SALL3: variants seen among roughly 807,000 people sequenced by gnomAD.
SALL3 encodes spalt like transcription factor 3, also known as sal-like protein 3.
A neutral mutation model predicts 66.2 loss-of-function variants in SALL3; 25 were observed. The ratio of observed to expected loss-of-function variants is 0.38; its 90% CI spans 0.28 to 0.53. The LOEUF is 0.53. Ranked by LOEUF, SALL3 falls within the 20% of genes least tolerant of loss-of-function variation. The probability of loss-of-function intolerance (pLI) is 0.85; values close to 1 mark genes in which losing one functional copy is unlikely to be tolerated. For missense variants in SALL3, 2,194 were observed against 1,916.5 expected, an observed-to-expected ratio of 1.14 and a Z score of -2.70; for synonymous variants, 1,152 against 899.1, an observed-to-expected ratio of 1.28 and a Z score of -5.03.
At position 78,992,442 on chromosome 18, in the gene SALL3, G is replaced by A; in HGVS notation, c.451G>A (p.Ala151Thr). Residue 151 changes from alanine (A) to threonine (T), a missense_variant, in exon 2 of 3, where the codon GCC (alanine) becomes ACC (threonine). Ala to Thr is a moderately conservative substitution (Grantham distance 58). Transcript: ENST00000537592. ...DTRAPRPPPA[A>T]PAPPTPAYGA... Reference sequence around the variant, plus strand: ...GCGCGCGCCCCGGCCCCCGCCTGCGGCCCCTGCACCCCCAACGCCCGCCTA... The same window carrying A: ...GCGCGCGCCCCGGCCCCCGCCTGCGACCCCTGCACCCCCAACGCCCGCCTA... The A allele has an allele frequency of 7.2e-7, 1 of 1,392,126 alleles. No homozygotes were observed. The highest frequency in any genetic ancestry group is 9.3e-7 in the Non-Finnish European group (1 of 1,080,892). 86.2% of individuals were successfully genotyped at this position (1,392,126 alleles called of 1,614,324 possible). A position where few individuals can be genotyped will look rare whatever the true frequency, so the allele number is the denominator to read the frequency against.
chr18:78,983,449 G>A (rs1305745231), intron 1 of SALL3, among the ~76,000 whole-genome samples: 2 of 152,140 alleles, frequency 1.3e-5, no homozygotes, highest in Admixed American at 1.3e-4. Context: ...AGGAACAAAA[G>A]GGTATTATAA....
Position 78,996,887 on chromosome 18 carries a change from G to A in SALL3, c.3472-4G>A, listed in dbSNP as rs750252023. The A allele has an allele frequency of 8.7e-6, 14 of 1,601,328 alleles. No individual in the cohort carries two copies. The highest frequency in any genetic ancestry group is 5.4e-5 in the African/African-American group (4 of 74,624). ...CTCGTGGGCTGTCTCCGTGTCTCGC[G>A]CAGGTGCACATGGGGACACACATGT... On this transcript the variant is annotated splice_region_variant and splice_polypyrimidine_tract_variant and intron_variant, in intron 2 of 2. Coordinates refer to ENST00000537592, the MANE Select transcript of SALL3 (RefSeq NM_171999.4).
Position 78,980,017 on chromosome 18 carries a change from C to T in SALL3, c.-258C>T, listed in dbSNP as rs1010678172. Among the ~76,000 whole-genome samples, 11 of 145,586 alleles carry T rather than the reference C, an allele frequency of 7.6e-5. 1 individual carries two copies. The East Asian group carries it at 2.2e-3, about 29-fold the overall frequency. On this transcript the variant is annotated 5_prime_UTR_variant, in exon 1 of 3. Transcript: ENST00000537592. ...CGAGGCGCCGCGGCCCCCTCCTCGT[C>T]GGCGCGGCCGCTAATTGCGAGCGCG... is the stretch of plus-strand genomic sequence containing the variant.
At position 78,994,480 on chromosome 18, in the gene SALL3, C is replaced by G; in HGVS notation, c.2489C>G (p.Pro830Arg). ...KPLLSYAGSC[P>R]PSPPSVISSI... is the part of the protein sequence containing the mutation. ...CTCCTGTCCTACGCGGGGTCCTGCC[C>G]GCCCTCCCCGCCCTCGGTCATCTCC... The change falls in exon 2 of 3, where the codon CCG (proline) becomes CGG (arginine). Residue 830 changes from proline to arginine, a missense_variant. Transcript: ENST00000537592. 1 of 1,601,782 alleles carries G rather than the reference C, an allele frequency of 6.2e-7. No homozygotes were observed. The highest frequency in any genetic ancestry group is 8.5e-7 in the Non-Finnish European group (1 of 1,170,968).
At chr18:78,991,850 TAAG>T (rs1460039556) in intron 1 of SALL3, 10 of 420,720 alleles carry the variant, frequency 2.4e-5, no homozygotes, top group South Asian at 8.6e-5. Flanking sequence ...GGAATTTCAT[TAAG>T]AAGCAGGATC....
chr18:78,981,952 C>T lies in SALL3; in HGVS notation c.82+1596C>T, dbSNP rs546403211. 2.3e-4 allele frequency among the ~76,000 whole-genome samples: 35 copies of T among 152,280 alleles called. No individual in the cohort carries two copies. In the South Asian group the frequency reaches 5.0e-3, roughly 22 times the overall value. On this transcript the variant is annotated intron_variant, in intron 1 of 2. Coordinates refer to ENST00000537592, the MANE Select transcript of SALL3 (RefSeq NM_171999.4). The stretch of plus-strand genomic sequence containing the variant: ...ATTTTAAAGCTTTATTATTGTGGCT[C>T]CTGAATGGCTTAAAATCGGCTTTCA...
chr18:78,994,108 C>T lies in SALL3; in HGVS notation c.2117C>T (p.Pro706Leu), dbSNP rs1599181223. Residue 706 changes from proline (P) to leucine (L), a missense_variant, in exon 2 of 3, where the codon CCG becomes CTG. Pro to Leu is a moderately conservative substitution (Grantham distance 98). Coordinates refer to ENST00000537592, the MANE Select transcript of SALL3 (RefSeq NM_171999.4). The part of the protein sequence containing the change: ...MHYRTHTGER[P>L]FKCKICGRAF... The stretch of plus-strand genomic sequence containing the variant: ...TACCGGACGCACACGGGGGAGCGGC[C>T]GTTCAAGTGCAAGATCTGCGGCCGC... 6.2e-7 allele frequency: 1 copy of T among 1,612,948 alleles called. No individual in the cohort carries two copies. Among genetic ancestry groups the T allele is most frequent in the South Asian group, 1.1e-5 (1 of 91,070 alleles).
chr18:78,988,443 C>T (rs1914316875), intron 1 of SALL3, among the ~76,000 whole-genome samples: 1 of 152,228 alleles, frequency 6.6e-6, no homozygotes, highest in Admixed American at 6.5e-5. Context: ...GAAGCCAGCA[C>T]TCCTCAGTCT....
At chr18:78,980,399 C>A in intron 1 of SALL3, 43 bp downstream of exon 1, 1 of 1,244,310 alleles carries the variant, frequency 8.0e-7, no homozygotes, top group Non-Finnish European at 1.0e-6. Context: ...TCTGGGGCTG[C>A]CCGTCCGGGC....
chr18:78,993,822 G>T lies in SALL3; in HGVS notation c.1831G>T (p.Ala611Ser). Residue 611 changes from alanine (A) to serine (S), a missense_variant, in exon 2 of 3, where the codon GCT becomes TCT. Coordinates refer to ENST00000537592, the MANE Select transcript of SALL3 (RefSeq NM_171999.4). ...LPCTNARAGDAPVGAQASAAP... is the reference protein window; with the variant it reads ...LPCTNARAGDSPVGAQASAAP... ...CTGCACCAACGCCAGGGCCGGGGACGCTCCCGTGGGCGCGCAGGCTAGCGC... is the reference window on the plus strand; with the variant it reads ...CTGCACCAACGCCAGGGCCGGGGACTCTCCCGTGGGCGCGCAGGCTAGCGC... 6.4e-7 allele frequency: 1 copy of T among 1,550,976 alleles called. No individual in the cohort carries two copies. The highest frequency in any genetic ancestry group is 8.7e-7 in the Non-Finnish European group (1 of 1,151,796).
intron 1 of SALL3, among the ~76,000 whole-genome samples, chr18:78,990,636 C>G (rs914249748): frequency 6.6e-6 from 1 of 152,178 alleles, no homozygotes; most frequent in Admixed American, 6.5e-5. Flanking sequence ...TGTTGATGTT[C>G]TAACAGTAAA....
Position 78,992,798 on chromosome 18 carries a change from G to A in SALL3, c.807G>A (p.Gly269=), listed in dbSNP as rs968754914. The stretch of plus-strand genomic sequence containing the variant: ...TGGCCGCGCTCCCGCTGTCGGCCGG[G>A]GCCCCTGCCGCCGCCATCGCGGGCT... ...PGLAALPLSA[G]APAAAIAGSG... The change falls in exon 2 of 3, where the codon GGG becomes GGA. Residue 269 remains glycine (G), a synonymous_variant. Coordinates refer to ENST00000537592, the MANE Select transcript of SALL3 (RefSeq NM_171999.4). 11 of 982,442 alleles carry A rather than the reference G, an allele frequency of 1.1e-5. No individual in the cohort carries two copies. The African/African-American group carries it at 1.6e-4, about 14-fold the overall frequency. 60.9% of individuals were successfully genotyped at this position (982,442 alleles called of 1,614,324 possible). A position where few individuals can be genotyped will look rare whatever the true frequency, so the allele number is the denominator to read the frequency against.
rs573903216 is a variant in SALL3 at position 78,993,567 on chromosome 18, G to A, written c.1576G>A (p.Val526Met). The change falls in exon 2 of 3, where the codon GTG (valine) becomes ATG (methionine). Residue 526 changes from valine (V) to methionine (M), a missense_variant. Transcript: ENST00000537592. ...CGTGCTGCCCACCGTGCCCACGTCCGTGGGGCTGCAACTGCCGCCCACTGT... is the reference window on the plus strand; with the variant it reads ...CGTGCTGCCCACCGTGCCCACGTCCATGGGGCTGCAACTGCCGCCCACTGT... The part of the protein sequence containing the change: ...KPVLPTVPTS[V>M]GLQLPPTVPG... The A allele has an allele frequency of 1.6e-4, 255 of 1,589,972 alleles. 4 individuals are homozygous for A. In the South Asian group the frequency reaches 2.7e-3, roughly 17 times the overall value.
In SALL3 at chr18:78,996,807, C is replaced by A. The variant is rs1914708434; in HGVS notation, c.3472-84C>A. 13 of 1,404,136 alleles carry A rather than the reference C, an allele frequency of 9.3e-6. No individual in the cohort carries two copies. The South Asian group carries it at 1.8e-4, about 20-fold the overall frequency. The allele number at this position is 1,404,136 out of a possible 1,614,324, so 87.0% of individuals were successfully genotyped here. On this transcript the variant is annotated intron_variant, in intron 2 of 2. Transcript: ENST00000537592. Reference sequence around the variant, plus strand: ...AAGTCGCGCTTGGGAGCGGGGTGGACCTCTGTCTGCTGCGCTGGAAGCGGA... The same window carrying A: ...AAGTCGCGCTTGGGAGCGGGGTGGAACTCTGTCTGCTGCGCTGGAAGCGGA...
chr18:78,994,463 C>T lies in SALL3; in HGVS notation c.2472C>T (p.Ser824=), dbSNP rs761416515. 1.2e-6 allele frequency: 2 copies of T among 1,612,620 alleles called. No individual in the cohort carries two copies. The highest frequency in any genetic ancestry group is 1.7e-6 in the Non-Finnish European group (2 of 1,179,834). The change falls in exon 2 of 3, where the codon TCC becomes TCT. Residue 824 remains serine, a synonymous_variant. Coordinates refer to ENST00000537592, the MANE Select transcript of SALL3 (RefSeq NM_171999.4). ...CCGACCCGGCCAAGCCACTCCTGTC[C>T]TACGCGGGGTCCTGCCCGCCCTCCC... is the stretch of plus-strand genomic sequence containing the variant. ...AATDPAKPLL[S]YAGSCPPSPP...
In SALL3 at chr18:78,994,461, T is replaced by C; in HGVS notation, c.2470T>C (p.Ser824Pro). 1 of 1,612,596 alleles carries C rather than the reference T, an allele frequency of 6.2e-7. No individual in the cohort carries two copies. The highest frequency in any genetic ancestry group is 8.5e-7 in the Non-Finnish European group (1 of 1,179,836). ...CACCGACCCGGCCAAGCCACTCCTG[T>C]CCTACGCGGGGTCCTGCCCGCCCTC... ...AATDPAKPLL[S>P]YAGSCPPSPP... Residue 824 changes from serine (S) to proline (P), a missense_variant, in exon 2 of 3, where the codon TCC (serine) becomes CCC (proline). Transcript: ENST00000537592.
Position 78,994,663 on chromosome 18 carries a change from C to A in SALL3, c.2672C>A (p.Ala891Glu). The stretch of plus-strand genomic sequence containing the variant: ...GTGGGCGACCTGGAGAGCCGCAGCG[C>A]GGGCAGCCCCGCCCTGTCCGAGTCC... Reference protein sequence around the residue: ...SAVGDLESRSAGSPALSESSS... With the variant: ...SAVGDLESRSEGSPALSESSS... The change falls in exon 2 of 3, where the codon GCG (alanine) becomes GAG (glutamate). Residue 891 changes from alanine (A) to glutamate (E), a missense_variant. Coordinates refer to ENST00000537592, the MANE Select transcript of SALL3 (RefSeq NM_171999.4). 1 of 1,608,570 alleles carries A rather than the reference C, an allele frequency of 6.2e-7. No homozygotes were observed. Among genetic ancestry groups the A allele is most frequent in the Non-Finnish European group, 8.5e-7 (1 of 1,178,828 alleles).
chr18:78,994,666 G>C lies in SALL3; in HGVS notation c.2675G>C (p.Gly892Ala), dbSNP rs565431421. 8 of 1,608,650 alleles carry C rather than the reference G, an allele frequency of 5.0e-6. No homozygotes were observed. In the East Asian group the frequency reaches 1.8e-4, roughly 36 times the overall value. ...GGCGACCTGGAGAGCCGCAGCGCGGGCAGCCCCGCCCTGTCCGAGTCCTCG... is the reference window on the plus strand; with the variant it reads ...GGCGACCTGGAGAGCCGCAGCGCGGCCAGCCCCGCCCTGTCCGAGTCCTCG... ...AVGDLESRSA[G>A]SPALSESSSS... Residue 892 changes from glycine to alanine, a missense_variant, in exon 2 of 3, where the codon GGC (glycine) becomes GCC (alanine). Physicochemically the swap from Gly to Ala is moderately conservative, Grantham distance 60. Coordinates refer to ENST00000537592, the MANE Select transcript of SALL3 (RefSeq NM_171999.4).
Position 78,994,073 on chromosome 18 carries a change from G to C in SALL3, c.2082G>C (p.Leu694=). Residue 694 remains leucine (L), a synonymous_variant, in exon 2 of 3, where the codon CTG becomes CTC. Transcript: ENST00000537592. The part of the protein sequence containing the change: ...CHRVLSCQSA[L]KMHYRTHTGE... ...GGGTGCTGAGCTGCCAGAGCGCGCT[G>C]AAGATGCACTACCGGACGCACACGG... The C allele has an allele frequency of 6.2e-7, 1 of 1,613,028 alleles. No individual in the cohort carries two copies.
Sources: allele counts gnomAD v4.1 joint callset (sites outside exome capture counted in the v4.1 genomes callset), GRCh38; gene constraint gnomAD v4.1.1; transcripts MANE v1.5; gene names NCBI Gene and HGNC (gene_info 2026-07-23, HGNC 2026-07-21).